The following PM20D2 variants were observed in gnomAD, a reference collection of about 807,000 sequenced individuals.
The protein encoded by PM20D2 is peptidase M20 domain containing 2.
A neutral mutation model predicts 42.9 loss-of-function variants in PM20D2; 33 were observed. That is an observed-to-expected ratio of 0.77 (90% CI 0.58 to 1.03). PM20D2 has a LOEUF of 1.03. PM20D2 is among the 50% of genes least tolerant of loss of function. The probability of loss-of-function intolerance (pLI) is 0.00; values close to 1 mark genes in which losing one functional copy is unlikely to be tolerated. For synonymous variants in PM20D2, 250 were observed against 228.2 expected (o/e 1.10, Z -0.86); for missense variants, 548 against 557.0 (o/e 0.98, Z 0.16).
the PM20D2 span, among the ~76,000 whole-genome samples, chr6:89,095,203 CTA>C: frequency 6.6e-6 from 1 of 152,246 alleles, no homozygotes; most frequent in East Asian, 1.9e-4. Context: ...GAAAACAAAT[CTA>C]ATTTTTAAAT....
the PM20D2 span, among the ~76,000 whole-genome samples, chr6:89,113,918 C>T: frequency 6.6e-6 from 1 of 152,288 alleles, no homozygotes; most frequent in Middle Eastern, 3.4e-3. Flanking sequence ...GCTGGGATTA[C>T]AGGCATGAGC....
the PM20D2 span, among the ~76,000 whole-genome samples, chr6:89,113,599 G>A: frequency 5.3e-5 from 8 of 152,222 alleles, no homozygotes; most frequent in South Asian, 2.1e-4. Flanking sequence ...GTGAGCCACC[G>A]TGCCAGGCCC....
the PM20D2 span, chr6:89,106,561 T>C: frequency 1.3e-3 from 209 of 158,974 alleles, 1 homozygote; most frequent in Admixed American, 8.9e-3. Context: ...CTAGCTATAA[T>C]GGAAATTAGC....
At chr6:89,148,170 G>A (rs1381210414) in intron 1 of PM20D2, among the ~76,000 whole-genome samples, 2 of 151,640 alleles carry the variant, frequency 1.3e-5, no homozygotes, top group Non-Finnish European at 2.9e-5. Flanking sequence ...GTAGAGACAG[G>A]ATTTCGCCAT....
chr6:89,162,275 G>A lies in PM20D2; in HGVS notation c.*12G>A, dbSNP rs1429539335. The A allele has an allele frequency of 1.1e-5, 17 of 1,596,276 alleles. No individual in the cohort carries two copies. The highest frequency in any genetic ancestry group is 1.4e-5 in the Non-Finnish European group (17 of 1,172,594). ...ATGCAGTAGAATAAAAGACTTAGGG[G>A]CCACTTATAAATCAAGAAGACGTGA... On this transcript the variant is annotated 3_prime_UTR_variant, in exon 7 of 7. Transcript: ENST00000275072.
At chr6:89,158,598 AG>A (rs144858754) in intron 5 of PM20D2, 138 bp downstream of exon 5, 11,719 of 939,732 alleles carry the variant, frequency 0.012, 138 homozygotes, top group Non-Finnish European at 0.013. Flanking sequence ...CTTTATGGTT[AG>A]GGGAAAGAAA....
In PM20D2 at chr6:89,162,093, T is replaced by C; in HGVS notation, c.1157-16T>C. 6.3e-7 allele frequency: 1 copy of C among 1,592,780 alleles called. No individual in the cohort carries two copies. The highest frequency in any genetic ancestry group is 8.5e-7 in the Non-Finnish European group (1 of 1,172,602). On this transcript the variant is annotated splice_polypyrimidine_tract_variant and intron_variant, in intron 6 of 6. Coordinates refer to ENST00000275072, the MANE Select transcript of PM20D2 (RefSeq NM_001010853.3). ...TTAAATAAGTAAGGAGGTATTTTAT[T>C]TTCTCTACCTTTTAGGGTCACAGGA... is the stretch of plus-strand genomic sequence containing the variant.
At chr6:89,105,433 G>T in the PM20D2 span, 2 of 1,602,880 alleles carry the variant, frequency 1.2e-6, no homozygotes, top group South Asian at 1.1e-5. Flanking sequence ...TTACTTTTGC[G>T]ATCACCTTGT....
the PM20D2 span, among the ~76,000 whole-genome samples, chr6:89,128,228 A>C: frequency 1.3e-5 from 2 of 152,170 alleles, no homozygotes; most frequent in Admixed American, 1.3e-4. Flanking sequence ...TATTAATATT[A>C]ATACCCTTGG....
At chr6:89,099,523 CACACACACAT>C in the PM20D2 span, among the ~76,000 whole-genome samples, 4 of 136,764 alleles carry the variant, frequency 2.9e-5, no homozygotes, top group African/African-American at 1.1e-4. Context: ...TATACACACA[CACACACACAT>C]ACATGTTTTT....
chr6:89,096,559 G>A, the PM20D2 span: 1 of 152,142 alleles, frequency 6.6e-6, no homozygotes, highest in African/African-American at 2.4e-5. Context: ...CCTAGTCAGA[G>A]GTAAATCAAA....
intron 4 of PM20D2, among the ~76,000 whole-genome samples, chr6:89,157,290 T>C (rs1358531543): frequency 6.6e-6 from 1 of 152,174 alleles, no homozygotes; most frequent in Non-Finnish European, 1.5e-5. Context: ...ACTTGTAAGG[T>C]CTGATTTGGT....
the PM20D2 span, among the ~76,000 whole-genome samples, chr6:89,114,477 C>T: frequency 2.0e-5 from 3 of 151,874 alleles, no homozygotes; most frequent in Non-Finnish European, 4.4e-5. Flanking sequence ...AGGGTTACTG[C>T]GAAAATTTAA....
chr6:89,140,182 A>T, the PM20D2 span, among the ~76,000 whole-genome samples: 2 of 152,172 alleles, frequency 1.3e-5, no homozygotes, highest in African/African-American at 2.4e-5. Context: ...CCCTGAGCTC[A>T]AGCAATCCTC....
Position 89,158,034 on chromosome 6 carries a change from T to A in PM20D2, c.913-291T>A, listed in dbSNP as rs150823351. Among the ~76,000 whole-genome samples the A allele has an allele frequency of 1.4e-3, 218 of 152,138 alleles. 1 individual carries two copies. The highest frequency in any genetic ancestry group is 5.2e-3 in the African/African-American group (214 of 41,518). On this transcript the variant is annotated intron_variant, in intron 4 of 6. Coordinates refer to ENST00000275072, the MANE Select transcript of PM20D2 (RefSeq NM_001010853.3). Reference sequence around the variant, plus strand: ...AAATAAAATAAAAATTTCTGGGCCCTTCTCATACCCTATCTAGGTGACTGA... The same window carrying A: ...AAATAAAATAAAAATTTCTGGGCCCATCTCATACCCTATCTAGGTGACTGA...
At chr6:89,132,787 G>A in the PM20D2 span, among the ~76,000 whole-genome samples, 1,151 of 150,796 alleles carry the variant, frequency 7.6e-3, 94 homozygotes, top group African/African-American at 0.026. Context: ...GCAGTGAGCC[G>A]AGATTGCGTC....
the PM20D2 span, chr6:89,098,934 G>T: frequency 2.1e-5 from 34 of 1,612,838 alleles, no homozygotes; most frequent in African/African-American, 4.1e-4. Flanking sequence ...TAAGAAAATC[G>T]CCTGTGTCGA....
rs775669143 is a variant in PM20D2, at chr6:89,146,497, C to G, written c.353C>G (p.Pro118Arg). 1.6e-5 allele frequency: 24 copies of G among 1,523,518 alleles called. No homozygotes were observed. The highest frequency in any genetic ancestry group is 2.1e-5 in the Non-Finnish European group (24 of 1,142,882). 94.4% of individuals were successfully genotyped at this position (1,523,518 alleles called of 1,614,324 possible). ...TTCCTCTGCGAGTACGACGCGCTGC[C>G]CGGCATCGGCCACGCCTGCGGCCAC... is the stretch of plus-strand genomic sequence containing the variant. Reference protein sequence around the residue: ...LGFLCEYDALPGIGHACGHNL... With the variant: ...LGFLCEYDALRGIGHACGHNL... The change falls in exon 1 of 7, where the codon CCC becomes CGC. Residue 118 changes from proline (P) to arginine (R), a missense_variant. This residue lies in a region of PM20D2 where 470 missense variants were observed against 464.4 expected (regional missense o/e 1.01). Transcript: ENST00000275072.
At chr6:89,126,543 G>T in the PM20D2 span, among the ~76,000 whole-genome samples, 6 of 152,006 alleles carry the variant, frequency 3.9e-5, no homozygotes, top group South Asian at 1.0e-3. Flanking sequence ...AATTAGCTGG[G>T]CATGGTGGCA....
Sources: allele counts gnomAD v4.1 joint callset (sites outside exome capture counted in the v4.1 genomes callset), GRCh38; gene constraint gnomAD v4.1.1; regional missense constraint gnomAD v4.1.1; transcripts MANE v1.5; gene names NCBI Gene and HGNC (gene_info 2026-07-23, HGNC 2026-07-21).